MRTFA: variants seen among roughly 807,000 people sequenced by gnomAD.
MRTFA encodes myocardin-related transcription factor A.
Under a neutral mutation model 83.5 loss-of-function variants are expected in MRTFA, and 20 were observed. The observed-to-expected ratio is 0.24, with a 90% CI of 0.17 to 0.35. The LOEUF (loss-of-function observed/expected upper bound fraction) is 0.35. Among genes scored for constraint, MRTFA ranks in the 10% least tolerant of loss-of-function variants. The probability of loss-of-function intolerance (pLI) is 1.00; values close to 1 mark genes in which losing one functional copy is unlikely to be tolerated. For synonymous variants in MRTFA, 659 were observed against 541.2 expected (o/e 1.22, Z -3.02); for missense variants, 1,200 against 1,224.7 (o/e 0.98, Z 0.30).
At chr22:40,579,886 T>C (rs1323909571) in intron 2 of MRTFA, among the ~76,000 whole-genome samples, 1 of 150,514 alleles carries the variant, frequency 6.6e-6, no homozygotes, top group Non-Finnish European at 1.5e-5. Flanking sequence ...ACACAAATGC[T>C]GTTATAGAAG....
At chr22:40,587,360 A>G in intron 2 of MRTFA, 1 of 409,226 alleles carries the variant, frequency 2.4e-6, no homozygotes, top group South Asian at 1.9e-5. Flanking sequence ...GAAGGCTTTG[A>G]CAATACAATC....
At chr22:40,612,340 G>T (rs1289630982) in intron 1 of MRTFA, among the ~76,000 whole-genome samples, 1 of 152,204 alleles carries the variant, frequency 6.6e-6, no homozygotes, top group Non-Finnish European at 1.5e-5. Context: ...CTGCAATGGG[G>T]CTGCAAGAAG....
At chr22:40,534,688 C>T (rs890301729) in intron 3 of MRTFA, among the ~76,000 whole-genome samples, 1 of 152,174 alleles carries the variant, frequency 6.6e-6, no homozygotes, top group Non-Finnish European at 1.5e-5. Context: ...CTTTCATTAA[C>T]TGATATTCAT....
At chr22:40,508,865 A>AAC (rs895824179) in intron 3 of MRTFA, among the ~76,000 whole-genome samples, 76 of 151,720 alleles carry the variant, frequency 5.0e-4, no homozygotes, top group African/African-American at 1.7e-3. Flanking sequence ...AAAAAAAAAG[A>AAC]ACTTGGTTTC....
intron 2 of MRTFA, among the ~76,000 whole-genome samples, chr22:40,562,261 G>A (rs936601097): frequency 2.0e-5 from 3 of 150,040 alleles, no homozygotes; most frequent in African/African-American, 7.4e-5. Flanking sequence ...CAGAAGGGCA[G>A]AGGAATCCAG....
At chr22:40,485,894 A>G (rs1483783951) in intron 3 of MRTFA, among the ~76,000 whole-genome samples, 3 of 152,356 alleles carry the variant, frequency 2.0e-5, no homozygotes, top group South Asian at 4.1e-4. Flanking sequence ...ATCTCCCTCA[A>G]CTGGGAAGGA....
intron 1 of MRTFA, among the ~76,000 whole-genome samples, chr22:40,630,538 G>C (rs974664844): frequency 6.6e-6 from 1 of 152,034 alleles, no homozygotes; most frequent in African/African-American, 2.4e-5. Flanking sequence ...TCCTTTCGAC[G>C]TAACAAATCT....
chr22:40,510,767 G>A (rs892684639), intron 3 of MRTFA, among the ~76,000 whole-genome samples: 19 of 152,106 alleles, frequency 1.2e-4, no homozygotes, highest in African/African-American at 4.3e-4. Flanking sequence ...AGCAGAAGGG[G>A]CACCGAAGTT....
At chr22:40,575,214 C>G (rs1480907895) in intron 2 of MRTFA, among the ~76,000 whole-genome samples, 1 of 152,100 alleles carries the variant, frequency 6.6e-6, no homozygotes, top group African/African-American at 2.4e-5. Context: ...AACAGGTGTT[C>G]AATAGATGTT....
intron 3 of MRTFA, among the ~76,000 whole-genome samples, chr22:40,475,988 C>T (rs554344874): frequency 6.6e-6 from 1 of 151,818 alleles, no homozygotes; most frequent in African/African-American, 2.4e-5. Context: ...ACTAAAAATA[C>T]AAAAAATGAG....
intron 13 of MRTFA, 111 bp from the exon 14 acceptor site, chr22:40,417,157 C>T (rs2147062681): frequency 1.4e-6 from 2 of 1,405,138 alleles, no homozygotes; most frequent in African/African-American, 2.9e-5. Context: ...GCCAGATCCA[C>T]AGGACCCATG....
At chr22:40,511,374 G>A (rs1386134713) in intron 3 of MRTFA, among the ~76,000 whole-genome samples, 1 of 152,182 alleles carries the variant, frequency 6.6e-6, no homozygotes, top group Non-Finnish European at 1.5e-5. Context: ...TGAGAATGGC[G>A]ATATCAGTTT....
At chr22:40,570,505 G>A (rs373906331) in intron 2 of MRTFA, among the ~76,000 whole-genome samples, 1 of 149,446 alleles carries the variant, frequency 6.7e-6, no homozygotes, top group African/African-American at 2.5e-5. Flanking sequence ...ATGAACCCAG[G>A]AGGTGGAGCT....
At chr22:40,603,061 A>G (rs1231043062) in intron 1 of MRTFA, among the ~76,000 whole-genome samples, 3 of 152,142 alleles carry the variant, frequency 2.0e-5, no homozygotes, top group African/African-American at 7.2e-5. Context: ...ACACTAGGCT[A>G]TTTACAGAGG....
At chr22:40,530,671 C>T (rs1797729028) in intron 3 of MRTFA, among the ~76,000 whole-genome samples, 4 of 152,250 alleles carry the variant, frequency 2.6e-5, no homozygotes, top group Admixed American at 1.3e-4. Context: ...GTGAGAAAAG[C>T]TCTAACTGTG....
At chr22:40,457,436 GAGAA>G (rs555469044) in intron 4 of MRTFA, among the ~76,000 whole-genome samples, 11,862 of 119,664 alleles carry the variant, frequency 0.099, 576 homozygotes, top group African/African-American at 0.14. Context: ...AAGAAAGAAA[GAGAA>G]AGAAAGAAAG....
At chr22:40,523,550 G>A (rs1486074649) in intron 3 of MRTFA, 1 of 152,186 alleles carries the variant, frequency 6.6e-6, no homozygotes, top group African/African-American at 2.4e-5. Flanking sequence ...ATGTTGCCTA[G>A]GCTGGTCTCA....
intron 2 of MRTFA, among the ~76,000 whole-genome samples, chr22:40,576,614 G>A (rs1429094561): frequency 6.6e-6 from 1 of 152,062 alleles, no homozygotes; most frequent in African/African-American, 2.4e-5. Context: ...TTCAGACTCT[G>A]GCTTAAACTT....
At chr22:40,472,773 A>G (rs1196074726) in intron 3 of MRTFA, among the ~76,000 whole-genome samples, 3 of 152,166 alleles carry the variant, frequency 2.0e-5, no homozygotes, top group African/African-American at 7.2e-5. Context: ...TTGGCATCTT[A>G]GCTATGGACC....
Sources: allele counts gnomAD v4.1 joint callset (sites outside exome capture counted in the v4.1 genomes callset), GRCh38; gene constraint gnomAD v4.1.1; transcripts MANE v1.5; gene names NCBI Gene and HGNC (gene_info 2026-07-23, HGNC 2026-07-21).